ACAD9: variants seen among roughly 807,000 people sequenced by gnomAD.
ACAD9 encodes acyl-CoA dehydrogenase family member 9, also known as complex I assembly factor ACAD9, mitochondrial.
Under a neutral mutation model 70.2 loss-of-function variants are expected in ACAD9, and 53 were observed. That is an observed-to-expected ratio of 0.75 (90% CI 0.61 to 0.95). The LOEUF is 0.95. Among genes scored for constraint, ACAD9 ranks in the 40% least tolerant of loss-of-function variants. ACAD9 has a pLI of 0.00. For synonymous variants in ACAD9, 313 were observed against 312.1 expected, an observed-to-expected ratio of 1.00 and a Z score of -0.03; for missense variants, 777 against 802.8, an observed-to-expected ratio of 0.97 and a Z score of 0.39.
chr3:128,896,644 C>A, intron 5 of ACAD9, 108 bp downstream of exon 5: 1 of 1,048,658 alleles, frequency 9.5e-7, no homozygotes, highest in Non-Finnish European at 1.5e-6. Context: ...TCCTTCTTTC[C>A]AAAATCTTGC....
At chr3:128,880,453 C>T (rs1340359659) in intron 1 of ACAD9, among the ~76,000 whole-genome samples, 4 of 152,102 alleles carry the variant, frequency 2.6e-5, no homozygotes, top group Non-Finnish European at 5.9e-5. Flanking sequence ...CTCTTGTCGC[C>T]CAGGCTGGAG....
At position 128,912,615 on chromosome 3, in the gene ACAD9, G is replaced by C. The variant is rs760678257; in HGVS notation, c.*8G>C. The C allele has an allele frequency of 1.2e-6, 2 of 1,612,418 alleles. No homozygotes were observed. Among genetic ancestry groups the C allele is most frequent in the African/African-American group, 1.3e-5 (1 of 74,880 alleles). On this transcript the variant is annotated 3_prime_UTR_variant, in exon 18 of 18. Transcript: ENST00000308982. ...CTGGACAGGACATGCTGAGGCAGGG[G>C]ACAGTGTCCCCTGCTACCGCCCGCC...
In ACAD9 at chr3:128,910,589, G is replaced by A. The variant is rs1023050503; in HGVS notation, c.1693-152G>A. 6 of 880,304 alleles carry A rather than the reference G, an allele frequency of 6.8e-6. No homozygotes were observed. The African/African-American group carries it at 8.2e-5, about 12-fold the overall frequency. 54.5% of individuals were successfully genotyped at this position (880,304 alleles called of 1,614,324 possible). ...GTTGGGGAAAGGCTGTTGGATCAGG[G>A]CTGGAATTAGAACCCAAGACGGGGT... On this transcript the variant is annotated intron_variant, in intron 16 of 17. Coordinates refer to ENST00000308982, the MANE Select transcript of ACAD9 (RefSeq NM_014049.5).
chr3:128,911,372 T>A (rs920673711), intron 17 of ACAD9, among the ~76,000 whole-genome samples: 4 of 151,454 alleles, frequency 2.6e-5, no homozygotes, highest in African/African-American at 9.7e-5. Context: ...AAGGCAATTT[T>A]AGATTGAGCA....
At position 128,895,324 on chromosome 3, in the gene ACAD9, T is replaced by G. The variant is rs1935539505; in HGVS notation, c.361T>G (p.Ser121Ala). 5 of 1,612,184 alleles carry G rather than the reference T, an allele frequency of 3.1e-6. No homozygotes were observed. Among genetic ancestry groups the G allele is most frequent in the Non-Finnish European group, 3.4e-6 (4 of 1,179,284 alleles). ...ATCTCTCCTAGGTGGCCTGGGCTTC[T>G]CCAACACCATGTACTCAAGACTAGG... ...VPEEYGGLGFSNTMYSRLGEI... is the reference protein window; with the variant it reads ...VPEEYGGLGFANTMYSRLGEI... Residue 121 changes from serine to alanine, a missense_variant, in exon 4 of 18, where the codon TCC becomes GCC. Ser to Ala is a moderately conservative substitution (Grantham distance 99). Transcript: ENST00000308982.
chr3:128,906,653 G>A (rs780639094), intron 12 of ACAD9, among the ~76,000 whole-genome samples: 3 of 152,230 alleles, frequency 2.0e-5, no homozygotes, highest in Non-Finnish European at 4.4e-5. Flanking sequence ...CCAGGGCCGG[G>A]TGGAGGGCAG....
chr3:128,889,898 T>G (rs551767696), intron 2 of ACAD9, among the ~76,000 whole-genome samples: 1 of 152,196 alleles, frequency 6.6e-6, no homozygotes, highest in Non-Finnish European at 1.5e-5. Flanking sequence ...CATAGCTCAC[T>G]GCAACCCTTG....
intron 1 of ACAD9, among the ~76,000 whole-genome samples, chr3:128,883,556 C>T (rs1470020643): frequency 6.6e-6 from 1 of 152,032 alleles, no homozygotes; most frequent in Non-Finnish European, 1.5e-5. Flanking sequence ...CGGGGTTTCA[C>T]CATGTTGGTC....
rs778124882 is a variant in ACAD9 at position 128,908,197 on chromosome 3, A to C, written c.1291A>C (p.Ile431Leu). ...ILLIFEGTNE[I>L]LRMYIALTGL... ...CTACTGACCACAGGGAACCAATGAG[A>C]TTCTCCGGATGTACATCGCCCTGAC... Residue 431 changes from isoleucine to leucine, a missense_variant, in exon 13 of 18, where the codon ATT becomes CTT. Ile to Leu is a conservative substitution (Grantham distance 5). Transcript: ENST00000308982. 6.2e-7 allele frequency: 1 copy of C among 1,614,148 alleles called. No homozygotes were observed. The highest frequency in any genetic ancestry group is 8.5e-7 in the Non-Finnish European group (1 of 1,180,026).
At chr3:128,883,027 C>G (rs944213680) in intron 1 of ACAD9, among the ~76,000 whole-genome samples, 4 of 151,750 alleles carry the variant, frequency 2.6e-5, no homozygotes, top group African/African-American at 9.7e-5. Context: ...GTGAAGGAGA[C>G]TGAGCTTTGA....
intron 2 of ACAD9, among the ~76,000 whole-genome samples, chr3:128,891,025 G>A (rs1935406686): frequency 6.6e-6 from 1 of 151,872 alleles, no homozygotes. Flanking sequence ...TATTTTTTTA[G>A]TAGAGACAGG....
chr3:128,890,558 C>T (rs996146805), intron 2 of ACAD9, among the ~76,000 whole-genome samples: 8 of 151,574 alleles, frequency 5.3e-5, no homozygotes, highest in Non-Finnish European at 1.2e-4. Flanking sequence ...AAAAATTAGC[C>T]GGGCGTGGTG....
intron 12 of ACAD9, among the ~76,000 whole-genome samples, chr3:128,907,558 G>C (rs758511019): frequency 1.2e-4 from 19 of 152,150 alleles, no homozygotes; most frequent in Non-Finnish European, 1.9e-4. Context: ...AGGGAGTCCT[G>C]CTGTCCGTGA....
chr3:128,886,100 AT>A (rs1206162182), intron 2 of ACAD9, among the ~76,000 whole-genome samples: 1 of 151,046 alleles, frequency 6.6e-6, no homozygotes, highest in Non-Finnish European at 1.5e-5. Context: ...TTAATGAAAA[AT>A]ATTTTGTTTT....
intron 1 of ACAD9, chr3:128,880,125 C>T (rs932008780): frequency 9.8e-7 from 1 of 1,019,168 alleles, no homozygotes; most frequent in Non-Finnish European, 1.4e-6. Context: ...ATTAACAAAG[C>T]AGCCTTCATC....
At chr3:128,889,488 G>C (rs974160946) in intron 2 of ACAD9, among the ~76,000 whole-genome samples, 11 of 152,208 alleles carry the variant, frequency 7.2e-5, no homozygotes, top group Admixed American at 2.0e-4. Context: ...TGCAACAGAG[G>C]AAGTGAACGT....
intron 5 of ACAD9, 35 bp downstream of exon 5, chr3:128,896,571 C>T (rs1260445764): frequency 6.2e-7 from 1 of 1,606,538 alleles, no homozygotes; most frequent in Non-Finnish European, 8.5e-7. Context: ...CCCTCAGCAG[C>T]TGTGATGTTG....
Position 128,901,367 on chromosome 3 carries a change from G to T in ACAD9, c.882+18G>T. ...GGTTTAAGGTGAGTTGCCAGCCACA[G>T]CCCCTTGTACCAGGTAGTGTCATGA... is the stretch of plus-strand genomic sequence containing the variant. On this transcript the variant is annotated intron_variant, in intron 8 of 17. Transcript: ENST00000308982. 6.2e-7 allele frequency: 1 copy of T among 1,613,884 alleles called. No individual in the cohort carries two copies.
At chr3:128,882,001 C>T (rs914320023) in intron 1 of ACAD9, among the ~76,000 whole-genome samples, 3 of 152,162 alleles carry the variant, frequency 2.0e-5, no homozygotes, top group African/African-American at 7.2e-5. Context: ...TCAGATTTCT[C>T]CCTGAACTCC....
Sources: gnomAD v4.1 joint callset for allele counts (sites outside exome capture counted in the v4.1 genomes callset) on GRCh38, gnomAD v4.1.1 for gene constraint, MANE v1.5 for transcripts, NCBI Gene and HGNC (gene_info 2026-07-23, HGNC 2026-07-21) for gene names.